CNTN1: variants seen among roughly 807,000 people sequenced by gnomAD.
CNTN1 encodes contactin-1.
CNTN1 carries 38 observed loss-of-function variants against 126.4 expected under a neutral mutation model. That is an observed-to-expected ratio of 0.30 (90% CI 0.23 to 0.39). CNTN1 has a LOEUF of 0.39. CNTN1 is among the 10% of genes least tolerant of loss of function. The pLI is 1.00. For missense variants in CNTN1, 1,009 were observed against 1,248.4 expected, an observed-to-expected ratio of 0.81 and a Z score of 2.89; for synonymous variants, 413 against 422.6, an observed-to-expected ratio of 0.98 and a Z score of 0.28.
chr12:40,980,612 A>T (rs1382336495), intron 15 of CNTN1, among the ~76,000 whole-genome samples: 1 of 152,214 alleles, frequency 6.6e-6, no homozygotes, highest in African/African-American at 2.4e-5. Flanking sequence ...ACAATCTGTT[A>T]GGTCCCCTTG....
intron 3 of CNTN1, 96 bp from the exon 4 acceptor site, chr12:40,918,543 T>G: frequency 9.0e-7 from 1 of 1,110,722 alleles, no homozygotes; most frequent in South Asian, 1.4e-5. Flanking sequence ...GGAGATTCTG[T>G]TTCTGATTTT....
chr12:40,993,353 TA>T (rs1948137934), intron 17 of CNTN1, 84 bp downstream of exon 17: 1 of 1,188,024 alleles, frequency 8.4e-7, no homozygotes, highest in African/African-American at 1.5e-5. Context: ...TATTTGAAAA[TA>T]ATGCTCTGAG....
intron 1 of CNTN1, among the ~76,000 whole-genome samples, chr12:40,838,786 G>T (rs1032156833): frequency 6.6e-6 from 1 of 152,120 alleles, no homozygotes; most frequent in Non-Finnish European, 1.5e-5. Flanking sequence ...CCCTACACAA[G>T]TAAATTCAAA....
intron 3 of CNTN1, among the ~76,000 whole-genome samples, chr12:40,910,882 A>C (rs546862128): frequency 2.6e-5 from 4 of 152,312 alleles, no homozygotes; most frequent in East Asian, 3.9e-4. Flanking sequence ...AGAATGAAAA[A>C]TCATGAAGAA....
rs201356516 is a variant in CNTN1, at chr12:40,778,691, C to CA, written c.-77+86107dup. 3.5e-3 allele frequency among the ~76,000 whole-genome samples: 535 copies of CA among 151,248 alleles called. 1 individual carries two copies. Among genetic ancestry groups the CA allele is most frequent in the African/African-American group, 0.012 (496 of 41,350 alleles). ...TCTTAAAAAACAAAACAAAACTAAC[C>CA]AAAAAAAACCTAAGACAAAGCAACT... On this transcript the variant is annotated intron_variant, in intron 1 of 23. Transcript: ENST00000551295.
intron 1 of CNTN1, among the ~76,000 whole-genome samples, chr12:40,906,292 T>G (rs2136796783): frequency 6.6e-6 from 1 of 152,198 alleles, no homozygotes; most frequent in Non-Finnish European, 1.5e-5. Context: ...AAATTGCTTT[T>G]CATTCTTCAC....
intron 1 of CNTN1, among the ~76,000 whole-genome samples, chr12:40,874,153 C>A (rs1943594418): frequency 6.6e-6 from 1 of 152,056 alleles, no homozygotes; most frequent in African/African-American, 2.4e-5. Context: ...CTTAAACTTT[C>A]TTTGCCTCAG....
chr12:40,940,689 G>C (rs904431216), intron 12 of CNTN1, among the ~76,000 whole-genome samples: 9 of 152,126 alleles, frequency 5.9e-5, no homozygotes, highest in African/African-American at 2.2e-4. Context: ...GATGAGCACA[G>C]GCACGGCTGT....
intron 17 of CNTN1, among the ~76,000 whole-genome samples, chr12:41,009,712 G>T (rs1339537208): frequency 6.6e-6 from 1 of 152,152 alleles, no homozygotes; most frequent in Non-Finnish European, 1.5e-5. Flanking sequence ...ATTAGTAATG[G>T]CTTCTAGCCC....
chr12:40,950,049 C>T (rs1400987481), intron 14 of CNTN1, among the ~76,000 whole-genome samples: 1 of 151,350 alleles, frequency 6.6e-6, no homozygotes, highest in Admixed American at 6.6e-5. Flanking sequence ...TAACTTTGGT[C>T]CCATGTGGAG....
At chr12:41,000,708 T>C (rs1948336777) in intron 17 of CNTN1, among the ~76,000 whole-genome samples, 1 of 152,316 alleles carries the variant, frequency 6.6e-6, no homozygotes, top group African/African-American at 2.4e-5. Flanking sequence ...GGGGGTTAGT[T>C]GTACAGATTA....
chr12:40,945,330 G>T (rs1375135968), intron 14 of CNTN1, among the ~76,000 whole-genome samples: 1 of 151,952 alleles, frequency 6.6e-6, no homozygotes, highest in Non-Finnish European at 1.5e-5. Flanking sequence ...TATTTAAAGT[G>T]TATTTTATTT....
At chr12:40,730,752 G>A (rs1248131085) in intron 1 of CNTN1, among the ~76,000 whole-genome samples, 1 of 152,012 alleles carries the variant, frequency 6.6e-6, no homozygotes, top group Non-Finnish European at 1.5e-5. Context: ...AGTGTCTGAG[G>A]CCTTATTGTT....
At chr12:40,696,436 CA>C (rs1744875885) in intron 1 of CNTN1, among the ~76,000 whole-genome samples, 1 of 152,186 alleles carries the variant, frequency 6.6e-6, no homozygotes, top group Admixed American at 6.5e-5. Flanking sequence ...TGGATGAGTC[CA>C]GTAGGCAAGT....
At chr12:40,904,054 T>C (rs987267881) in intron 1 of CNTN1, among the ~76,000 whole-genome samples, 8 of 152,238 alleles carry the variant, frequency 5.3e-5, no homozygotes, top group African/African-American at 1.7e-4. Flanking sequence ...AGTCTCGCTC[T>C]GTCGCCTAGG....
Position 40,838,453 on chromosome 12 carries a change from C to A in CNTN1, c.-76-69904C>A, listed in dbSNP as rs1030617879. ...ACTGCTGCCACTACTGGAATCTGAG[C>A]AAGACATCTGGAGTTTCAAGAGTCA... On this transcript the variant is annotated intron_variant, in intron 1 of 23. Transcript: ENST00000551295. 3.2e-4 allele frequency among the ~76,000 whole-genome samples: 49 copies of A among 152,174 alleles called. 1 individual carries two copies. Among genetic ancestry groups the A allele is most frequent in the African/African-American group, 1.2e-3 (49 of 41,436 alleles).
intron 1 of CNTN1, among the ~76,000 whole-genome samples, chr12:40,745,542 A>T (rs545427202): frequency 3.1e-4 from 47 of 152,258 alleles, no homozygotes; most frequent in Admixed American, 2.6e-3. Context: ...GGGTTAAGAT[A>T]AGGGATTATG....
chr12:40,922,201 T>C, intron 4 of CNTN1, 55 bp from the exon 5 acceptor site: 1 of 1,492,424 alleles, frequency 6.7e-7, no homozygotes, highest in Non-Finnish European at 9.3e-7. Flanking sequence ...GTTAGCTCCG[T>C]AGAGTTTCTA....
rs11836728 is a variant in CNTN1, at chr12:40,811,293, A to G, written c.-76-97064A>G. 1.2e-3 allele frequency among the ~76,000 whole-genome samples: 186 copies of G among 152,320 alleles called. 2 individuals carry two copies. Among genetic ancestry groups the G allele is most frequent in the African/African-American group, 4.3e-3 (177 of 41,574 alleles). ...CCTTTGCTGGTATTTTATACAGGCA[A>G]CACAATATGCCTTTTGAAAACACTG... On this transcript the variant is annotated intron_variant, in intron 1 of 23. Coordinates refer to ENST00000551295, the MANE Select transcript of CNTN1 (RefSeq NM_001843.4).
Sources: allele counts gnomAD v4.1 joint callset (sites outside exome capture counted in the v4.1 genomes callset), GRCh38; gene constraint gnomAD v4.1.1; transcripts MANE v1.5; gene names NCBI Gene and HGNC (gene_info 2026-07-23, HGNC 2026-07-21).